The following CCSER1 variants were observed in gnomAD, a reference collection of about 807,000 sequenced individuals.
CCSER1 encodes coiled-coil serine rich protein 1, also known as serine-rich coiled-coil domain-containing protein 1.
Under a neutral mutation model 82.0 loss-of-function variants are expected in CCSER1, and 41 were observed. The observed-to-expected ratio is 0.50, with a 90% CI of 0.39 to 0.65. The LOEUF (loss-of-function observed/expected upper bound fraction) is 0.65, where lower values mean the gene tolerates loss of function less well. CCSER1 is among the 30% of genes least tolerant of loss of function. CCSER1 has a pLI of 0.00. For synonymous variants in CCSER1, 414 were observed against 383.9 expected (o/e 1.08, Z -0.92); for missense variants, 1,119 against 1,064.2 (o/e 1.05, Z -0.72).
chr4:91,016,129 A>C (rs756144371), intron 9 of CCSER1, among the ~76,000 whole-genome samples: 1 of 152,010 alleles, frequency 6.6e-6, no homozygotes, highest in African/African-American at 2.4e-5. Flanking sequence ...TAACAAAAAT[A>C]ATTATAGTTT....
At chr4:91,472,766 C>A (rs771306146) in intron 10 of CCSER1, among the ~76,000 whole-genome samples, 1 of 152,092 alleles carries the variant, frequency 6.6e-6, no homozygotes, top group Non-Finnish European at 1.5e-5. Flanking sequence ...ACAGGTCATA[C>A]CTTATGACAA....
At chr4:90,837,391 C>T (rs1304097052) in intron 8 of CCSER1, among the ~76,000 whole-genome samples, 1 of 152,034 alleles carries the variant, frequency 6.6e-6, no homozygotes, top group Non-Finnish European at 1.5e-5. Flanking sequence ...TTTTATGTCC[C>T]TTTGTTTTGC....
intron 7 of CCSER1, among the ~76,000 whole-genome samples, chr4:90,754,406 A>G (rs1348471536): frequency 3.3e-5 from 5 of 152,176 alleles, no homozygotes; most frequent in African/African-American, 7.2e-5. Context: ...TATTAGGAGT[A>G]TATTAATAAA....
At position 90,513,994 on chromosome 4, in the gene CCSER1, C is replaced by T. The variant is rs577997408; in HGVS notation, c.1724+45640C>T. Among the ~76,000 whole-genome samples, 42 of 152,132 alleles carry T rather than the reference C, an allele frequency of 2.8e-4. No individual in the cohort carries two copies. In the South Asian group the frequency reaches 8.5e-3, roughly 31 times the overall value. On this transcript the variant is annotated intron_variant, in intron 5 of 10. Coordinates refer to ENST00000509176, the MANE Select transcript of CCSER1 (RefSeq NM_001145065.2). Reference sequence around the variant, plus strand: ...AGGGGGATCGGAGAGAAAACAGCTGCCATTTGAGAGAATCGTGGGAGAAGC... The same window carrying T: ...AGGGGGATCGGAGAGAAAACAGCTGTCATTTGAGAGAATCGTGGGAGAAGC...
At chr4:91,272,360 C>T (rs530078296) in intron 10 of CCSER1, among the ~76,000 whole-genome samples, 6 of 152,114 alleles carry the variant, frequency 3.9e-5, no homozygotes, top group Non-Finnish European at 8.8e-5. Flanking sequence ...TAGTGATGAG[C>T]ATTTTTTCAT....
intron 9 of CCSER1, among the ~76,000 whole-genome samples, chr4:91,058,746 C>T (rs2148728764): frequency 6.6e-6 from 1 of 152,108 alleles, no homozygotes; most frequent in Non-Finnish European, 1.5e-5. Flanking sequence ...TTATGAAAAA[C>T]TTTAAAGTTT....
intron 10 of CCSER1, among the ~76,000 whole-genome samples, chr4:91,095,551 C>T (rs1581541762): frequency 6.6e-6 from 1 of 152,128 alleles, no homozygotes; most frequent in Non-Finnish European, 1.5e-5. Flanking sequence ...GCAAAAACAG[C>T]CTGTTTTTGC....
At chr4:90,668,053 T>C (rs535197133) in intron 6 of CCSER1, among the ~76,000 whole-genome samples, 1 of 152,296 alleles carries the variant, frequency 6.6e-6, no homozygotes, top group East Asian at 1.9e-4. Context: ...AAATAGGTTA[T>C]GGTTTAAGTG....
intron 10 of CCSER1, among the ~76,000 whole-genome samples, chr4:91,383,352 T>C (rs1408736376): frequency 6.7e-6 from 1 of 149,148 alleles, no homozygotes; most frequent in Non-Finnish European, 1.5e-5. Context: ...GTTATCTCAC[T>C]TTTTTTTTTC....
At chr4:90,902,665 G>A (rs1724832349) in intron 8 of CCSER1, among the ~76,000 whole-genome samples, 1 of 152,074 alleles carries the variant, frequency 6.6e-6, no homozygotes, top group Admixed American at 6.6e-5. Flanking sequence ...CTTAGGGTGA[G>A]GAGGAAGGAC....
At chr4:91,358,391 GTTGTT>G (rs1382645522) in intron 10 of CCSER1, among the ~76,000 whole-genome samples, 27 of 127,036 alleles carry the variant, frequency 2.1e-4, no homozygotes, top group Middle Eastern at 3.9e-3. Context: ...CCTGACCCAC[GTTGTT>G]TTTTTTTTTT....
At chr4:91,119,728 T>TA (rs1297533022) in intron 10 of CCSER1, among the ~76,000 whole-genome samples, 2 of 152,006 alleles carry the variant, frequency 1.3e-5, no homozygotes, top group Non-Finnish European at 2.9e-5. Flanking sequence ...GAATAGAGAT[T>TA]AGTATATTAC....
intron 10 of CCSER1, among the ~76,000 whole-genome samples, chr4:91,089,965 C>T (rs1723782056): frequency 6.6e-6 from 1 of 152,168 alleles, no homozygotes; most frequent in Admixed American, 6.5e-5. Flanking sequence ...TATTCCTTAT[C>T]TGAGTCTCTT....
At position 91,001,890 on chromosome 4, in the gene CCSER1, C is replaced by T. The variant is rs187544131; in HGVS notation, c.2172+78443C>T. Among the ~76,000 whole-genome samples the T allele has an allele frequency of 6.6e-5, 10 of 152,100 alleles. No homozygotes were observed. In the East Asian group the frequency reaches 7.7e-4, roughly 12 times the overall value. On this transcript the variant is annotated intron_variant, in intron 9 of 10. Coordinates refer to ENST00000509176, the MANE Select transcript of CCSER1 (RefSeq NM_001145065.2). ...GGTTTAAAGAGGTTCTGTTTTGATG[C>T]GTCTCCAGGATTTGTTTCAAGATTT...
At chr4:90,709,152 A>C (rs1241640977) in intron 6 of CCSER1, among the ~76,000 whole-genome samples, 1 of 152,192 alleles carries the variant, frequency 6.6e-6, no homozygotes, top group African/African-American at 2.4e-5. Context: ...ATGTAAACTT[A>C]AGAAAAATAT....
chr4:91,542,099 T>C (rs1761630405), intron 10 of CCSER1, among the ~76,000 whole-genome samples: 1 of 152,202 alleles, frequency 6.6e-6, no homozygotes, highest in Admixed American at 6.5e-5. Flanking sequence ...TGTAAATTTG[T>C]TTAAGTTCTT....
chr4:90,377,293 G>A (rs1578180045), intron 3 of CCSER1, among the ~76,000 whole-genome samples: 1 of 152,148 alleles, frequency 6.6e-6, no homozygotes, highest in Non-Finnish European at 1.5e-5. Context: ...AATTTTCAGA[G>A]AGGGGATTCT....
At chr4:91,017,855 A>G (rs1434628265) in intron 9 of CCSER1, among the ~76,000 whole-genome samples, 1 of 150,258 alleles carries the variant, frequency 6.7e-6, no homozygotes, top group Non-Finnish European at 1.5e-5. Context: ...AAATTTTTTT[A>G]AGAGTCTCAC....
At chr4:90,303,746 G>T (rs1733648910) in intron 1 of CCSER1, among the ~76,000 whole-genome samples, 1 of 152,118 alleles carries the variant, frequency 6.6e-6, no homozygotes, top group African/African-American at 2.4e-5. Flanking sequence ...CATGCGCAAG[G>T]ACTTCATGTC....
Sources: gnomAD v4.1 joint callset for allele counts (sites outside exome capture counted in the v4.1 genomes callset) on GRCh38, gnomAD v4.1.1 for gene constraint, MANE v1.5 for transcripts, NCBI Gene and HGNC (gene_info 2026-07-23, HGNC 2026-07-21) for gene names.